ACOX3: variants seen among roughly 807,000 people sequenced by gnomAD.
ACOX3 encodes the protein acyl-CoA oxidase 3, pristanoyl, also known as peroxisomal acyl-coenzyme A oxidase 3.
Under a neutral mutation model 81.5 loss-of-function variants are expected in ACOX3, and 73 were observed. The ratio of observed to expected loss-of-function variants is 0.90; its 90% CI spans 0.74 to 1.09. ACOX3 has a LOEUF of 1.09. ACOX3 is among the 50% of genes least tolerant of loss of function. The pLI, the probability that ACOX3 is intolerant of heterozygous loss-of-function variation, is 0.00. For missense variants in ACOX3, 947 were observed against 928.0 expected (o/e 1.02, Z -0.27); for synonymous variants, 387 against 375.1 (o/e 1.03, Z -0.37).
chr4:8,410,114 C>T, intron 6 of ACOX3, 98 bp downstream of exon 6: 1 of 1,448,626 alleles, frequency 6.9e-7, no homozygotes, highest in Admixed American at 2.2e-5. Flanking sequence ...ATGCCAGAAG[C>T]ATGCCCCACC....
In ACOX3 at chr4:8,407,431, T is replaced by C. The variant is rs1433206757; in HGVS notation, c.688-1388A>G. Among the ~76,000 whole-genome samples the C allele has an allele frequency of 6.6e-6, 1 of 152,178 alleles. No individual in the cohort carries two copies. The highest frequency in any genetic ancestry group is 1.5e-5 in the Non-Finnish European group (1 of 68,034). On this transcript the variant is annotated intron_variant, in intron 6 of 17. Transcript: ENST00000356406. This position sits in a 1 kb window ranked among gnomAD's most constrained non-coding sequence, Gnocchi z 4.6. ...CCACAGGCCTGGGGCCACCAGGAGC[T>C]GAAAGAGATAGGAAGGATCCTCCCC...
At chr4:8,408,975 C>T (rs75365347) in intron 6 of ACOX3, among the ~76,000 whole-genome samples, 2,877 of 150,122 alleles carry the variant, frequency 0.019, 108 homozygotes, top group African/African-American at 0.067. Flanking sequence ...AATTAGAGGA[C>T]GCCCAGCTGC....
intron 1 of ACOX3, among the ~76,000 whole-genome samples, chr4:8,420,295 A>G (rs914906344): frequency 4.6e-5 from 7 of 152,218 alleles, no homozygotes; most frequent in African/African-American, 7.2e-5. Flanking sequence ...TCAAATCTCA[A>G]TGTTACAGCT....
At chr4:8,436,968 G>T (rs1326834150) in intron 1 of ACOX3, among the ~76,000 whole-genome samples, 1 of 139,418 alleles carries the variant, frequency 7.2e-6, no homozygotes, top group African/African-American at 2.7e-5. Context: ...CTCCAGCCTT[G>T]GCAACAGAGC....
At chr4:8,438,301 G>A (rs1180191072) in intron 1 of ACOX3, among the ~76,000 whole-genome samples, 9 of 152,186 alleles carry the variant, frequency 5.9e-5, no homozygotes, top group Non-Finnish European at 1.2e-4. Flanking sequence ...TAACAAGACT[G>A]TTAAAAATAA....
At chr4:8,425,220 C>T (rs13434523) in intron 1 of ACOX3, among the ~76,000 whole-genome samples, 2,947 of 152,056 alleles carry the variant, frequency 0.019, 106 homozygotes, top group African/African-American at 0.067. Flanking sequence ...AAGGGAACCG[C>T]GAAGCAGATA....
chr4:8,379,250 G>A (rs572478187), intron 14 of ACOX3, among the ~76,000 whole-genome samples: 5 of 152,300 alleles, frequency 3.3e-5, no homozygotes, highest in Admixed American at 2.0e-4. Flanking sequence ...TTGGTATGCC[G>A]TATTGCAGGG....
chr4:8,379,071 G>A (rs1029779907), intron 14 of ACOX3, among the ~76,000 whole-genome samples: 4 of 152,190 alleles, frequency 2.6e-5, no homozygotes, highest in African/African-American at 9.7e-5. Flanking sequence ...GTTCTCCGTC[G>A]GCGACATGTT....
chr4:8,358,878 C>T, the ACOX3 span, among the ~76,000 whole-genome samples: 1 of 152,168 alleles, frequency 6.6e-6, no homozygotes, highest in South Asian at 2.1e-4. Context: ...CTATGGGTAG[C>T]CCTTTTTTTA....
intron 1 of ACOX3, among the ~76,000 whole-genome samples, chr4:8,418,057 C>T (rs1432620219): frequency 6.6e-6 from 1 of 152,116 alleles, no homozygotes; most frequent in African/African-American, 2.4e-5. Flanking sequence ...AAACTGTCCA[C>T]GAAGAAAAAC....
Position 8,368,132 on chromosome 4 carries a change from G to A in ACOX3, c.1984-1052C>T, listed in dbSNP as rs1048671944. On this transcript the variant is annotated intron_variant, in intron 17 of 17. Coordinates refer to ENST00000356406, the MANE Select transcript of ACOX3 (RefSeq NM_003501.3). This position sits in a 1 kb window ranked among gnomAD's most constrained non-coding sequence, Gnocchi z 5.9. Reference sequence around the variant, plus strand: ...CCCCAGGCCGCTACAGGCCGCACAGGTGGCACGTGGCCACCAGCAGCAGGA... The same window carrying A: ...CCCCAGGCCGCTACAGGCCGCACAGATGGCACGTGGCCACCAGCAGCAGGA... Among the ~76,000 whole-genome samples the A allele has an allele frequency of 2.6e-5, 4 of 152,240 alleles. No homozygotes were observed. The highest frequency in any genetic ancestry group is 9.6e-5 in the African/African-American group (4 of 41,462).
intron 6 of ACOX3, among the ~76,000 whole-genome samples, chr4:8,408,864 G>T (rs1316667074): frequency 7.2e-6 from 1 of 138,134 alleles, no homozygotes; most frequent in Non-Finnish European, 1.6e-5. Flanking sequence ...AAGGGTTGGG[G>T]AGCTTCTTGT....
chr4:8,394,726 G>A lies in ACOX3; in HGVS notation c.1073C>T (p.Pro358Leu). The A allele has an allele frequency of 6.2e-7, 1 of 1,613,484 alleles. No homozygotes were observed. Among genetic ancestry groups the A allele is most frequent in the Non-Finnish European group, 8.5e-7 (1 of 1,179,784 alleles). ...EYPMQQWRLL[P>L]YLAAVYALDH... is the part of the protein sequence containing the mutation. ...TAAGGCGTAGACAGCTGCCAGATAT[G>A]GAAGCAAGCGCCATTGCTAGAACAG... Residue 358 changes from proline to leucine, a missense_variant, in exon 10 of 18, where the codon CCA becomes CTA. Coordinates refer to ENST00000356406, the MANE Select transcript of ACOX3 (RefSeq NM_003501.3). This position sits in a 1 kb window ranked among gnomAD's most constrained non-coding sequence, Gnocchi z 5.9.
chr4:8,428,921 C>T (rs920808939), intron 1 of ACOX3, among the ~76,000 whole-genome samples: 3 of 152,202 alleles, frequency 2.0e-5, no homozygotes, highest in African/African-American at 7.2e-5. Context: ...CAAGAGCTTG[C>T]TGAAGTTTGA....
At chr4:8,410,175 AAC>A (rs1721565578) in intron 6 of ACOX3, 35 bp downstream of exon 6, 2 of 1,597,358 alleles carry the variant, frequency 1.3e-6, no homozygotes, top group Non-Finnish European at 1.7e-6. Context: ...CCTGGGGGTA[AAC>A]ACTGCCCCCA....
In ACOX3 at chr4:8,414,944, C is replaced by T. The variant is rs552824668; in HGVS notation, c.379-16G>A. The T allele has an allele frequency of 2.5e-4, 411 of 1,613,538 alleles. No individual in the cohort carries two copies. Among genetic ancestry groups the T allele is most frequent in the South Asian group, 2.5e-3 (227 of 91,064 alleles). ...ATCCAAAAACCTGAAAGTATAACAT[C>T]GTCCTATCAACAGGGGGCAGGTAAG... On this transcript the variant is annotated splice_polypyrimidine_tract_variant and intron_variant, in intron 3 of 17. Coordinates refer to ENST00000356406, the MANE Select transcript of ACOX3 (RefSeq NM_003501.3). The surrounding 1 kb of genome is among the most constrained non-coding windows in gnomAD (Gnocchi z 6.1).
rs116282115 is a variant in ACOX3 at position 8,416,324 on chromosome 4, G to C, written c.144+54C>G. The C allele has an allele frequency of 3.7e-6, 6 of 1,612,838 alleles. No individual in the cohort carries two copies. Among genetic ancestry groups the C allele is most frequent in the South Asian group, 1.1e-5 (1 of 90,938 alleles). On this transcript the variant is annotated intron_variant, in intron 2 of 17. Coordinates refer to ENST00000356406, the MANE Select transcript of ACOX3 (RefSeq NM_003501.3). The surrounding 1 kb of genome is among the most constrained non-coding windows in gnomAD (Gnocchi z 4.2). ...GAGCCAGAAATCCCATTCTGCTAAC[G>C]AACTAAGACCCCACTGGGAAAAAAG...
In ACOX3 at chr4:8,389,864, G is replaced by C. The variant is rs1006819538; in HGVS notation, c.1301-130C>G. The C allele has an allele frequency of 2.4e-6, 3 of 1,240,722 alleles. No individual in the cohort carries two copies. The highest frequency in any genetic ancestry group is 2.0e-5 in the Admixed American group (1 of 48,946). The allele number at this position is 1,240,722 out of a possible 1,614,324, so 76.9% of individuals were successfully genotyped here. ...TCACACCTGTAATGGCAGCACTTTGGGGGGCCGAGGCGGGTGGATCACTTG... is the reference window on the plus strand; with the variant it reads ...TCACACCTGTAATGGCAGCACTTTGCGGGGCCGAGGCGGGTGGATCACTTG... On this transcript the variant is annotated intron_variant, in intron 11 of 17. Transcript: ENST00000356406. The surrounding 1 kb of genome is among the most constrained non-coding windows in gnomAD (Gnocchi z 5.3).
At chr4:8,420,953 T>C (rs1214254211) in intron 1 of ACOX3, among the ~76,000 whole-genome samples, 4 of 152,170 alleles carry the variant, frequency 2.6e-5, no homozygotes, top group Non-Finnish European at 5.9e-5. Context: ...ACAGTTCTCT[T>C]CCATGACCCA....
Sources: allele counts gnomAD v4.1 joint callset (sites outside exome capture counted in the v4.1 genomes callset), GRCh38; gene constraint gnomAD v4.1.1; non-coding constraint Gnocchi (gnomAD v3.1); transcripts MANE v1.5; gene names NCBI Gene and HGNC (gene_info 2026-07-23, HGNC 2026-07-21).